The following RLN2 variants were observed in gnomAD, a reference collection of about 807,000 sequenced individuals.
RLN2 encodes the protein relaxin 2, also known as prorelaxin H2.
RLN2 carries 10 observed loss-of-function variants against 7.3 expected under a neutral mutation model. The observed-to-expected ratio is 1.36, with a 90% CI of 0.84 to 2.31. The LOEUF (loss-of-function observed/expected upper bound fraction) is 2.31, where lower values mean the gene tolerates loss of function less well. Ranked by LOEUF, RLN2 falls within the 30% of genes most tolerant of loss-of-function variation. The pLI is 0.00. For synonymous variants in RLN2, 103 were observed against 82.3 expected, an observed-to-expected ratio of 1.25 and a Z score of -1.36; for missense variants, 298 against 217.6, an observed-to-expected ratio of 1.37 and a Z score of -2.32.
In RLN2 at chr9:5,300,265, T is replaced by C; in HGVS notation, c.391A>G (p.Lys131Glu). 6.2e-7 allele frequency: 1 copy of C among 1,614,068 alleles called. No individual in the cohort carries two copies. Among genetic ancestry groups the C allele is most frequent in the Non-Finnish European group, 8.5e-7 (1 of 1,179,952 alleles). Residue 131 changes from lysine (K) to glutamate (E), a missense_variant, in exon 2 of 2, where the codon AAA (lysine) becomes GAA (glutamate). Transcript: ENST00000381627. Reference protein sequence around the residue: ...DSSLLFEEFKKLIRNRQSEAA... With the variant: ...DSSLLFEEFKELIRNRQSEAA... ...TCACTTTGTCTATTGCGAATAAGTTTCTTAAATTCTTCAAAGAGAAGACTG... is the reference window on the plus strand; with the variant it reads ...TCACTTTGTCTATTGCGAATAAGTTCCTTAAATTCTTCAAAGAGAAGACTG...
chr9:5,316,367 C>T, the RLN2 span, among the ~76,000 whole-genome samples: 3 of 151,868 alleles, frequency 2.0e-5, no homozygotes, highest in Non-Finnish European at 2.9e-5. Flanking sequence ...TAGGTATACA[C>T]ATGCCATGGT....
chr9:5,324,246 T>C, the RLN2 span, among the ~76,000 whole-genome samples: 11 of 151,966 alleles, frequency 7.2e-5, no homozygotes, highest in Non-Finnish European at 1.3e-4. Context: ...AAAGAAAATA[T>C]ATAATCACAG....
the RLN2 span, among the ~76,000 whole-genome samples, chr9:5,321,519 C>T: frequency 7.2e-5 from 11 of 151,934 alleles, no homozygotes; most frequent in African/African-American, 1.4e-4. Context: ...AGTGACTGAG[C>T]ACAATTCTGT....
chr9:5,323,373 A>G, the RLN2 span, among the ~76,000 whole-genome samples: 1 of 152,110 alleles, frequency 6.6e-6, no homozygotes, highest in East Asian at 1.9e-4. Flanking sequence ...TCCCTCTCCT[A>G]CAGTAGTTTT....
At chr9:5,328,256 G>A in the RLN2 span, among the ~76,000 whole-genome samples, 10 of 151,986 alleles carry the variant, frequency 6.6e-5, no homozygotes, top group Admixed American at 5.9e-4. Context: ...TGAGAACTTC[G>A]TGACGCATGC....
chr9:5,305,274 C>G (rs1360504662), upstream of RLN2, among the ~76,000 whole-genome samples: 1 of 151,576 alleles, frequency 6.6e-6, no homozygotes, highest in East Asian at 1.9e-4. Context: ...TCCTTCCACT[C>G]TTGGGGATAA....
At chr9:5,308,173 G>T (rs540698370), upstream of RLN2, among the ~76,000 whole-genome samples, 4 of 151,948 alleles carry the variant, frequency 2.6e-5, no homozygotes, top group African/African-American at 9.7e-5. Context: ...TTTCCTTTCA[G>T]GTTATCATGC....
At chr9:5,318,950 T>G in the RLN2 span, among the ~76,000 whole-genome samples, 1 of 152,008 alleles carries the variant, frequency 6.6e-6, no homozygotes, top group African/African-American at 2.4e-5. Flanking sequence ...TGTGCCCTCA[T>G]GGAAATGAAC....
Position 5,304,644 on chromosome 9 carries a change from C to A in RLN2, c.-64G>T. 6.5e-7 allele frequency: 1 copy of A among 1,529,330 alleles called. No homozygotes were observed. Among genetic ancestry groups the A allele is most frequent in the Non-Finnish European group, 9.0e-7 (1 of 1,105,914 alleles). The allele number at this position is 1,529,330 out of a possible 1,614,324, so 94.7% of individuals were successfully genotyped here. A position where few individuals can be genotyped will look rare whatever the true frequency, so the allele number is the denominator to read the frequency against. On this transcript the variant is annotated 5_prime_UTR_variant, in exon 1 of 2. Coordinates refer to ENST00000381627, the MANE Select transcript of RLN2 (RefSeq NM_134441.3). Reference sequence around the variant, plus strand: ...CCTTTCAGGACTGCAGCTGCTGTGGCCTACACACCTGGGCCTGTGTGCCTG... The same window carrying A: ...CCTTTCAGGACTGCAGCTGCTGTGGACTACACACCTGGGCCTGTGTGCCTG...
the RLN2 span, among the ~76,000 whole-genome samples, chr9:5,328,861 C>G: frequency 6.6e-6 from 1 of 151,980 alleles, no homozygotes; most frequent in African/African-American, 2.4e-5. Context: ...GAAATAAAAT[C>G]CTTTACAGAC....
the RLN2 span, among the ~76,000 whole-genome samples, chr9:5,312,105 T>C: frequency 2.8e-3 from 426 of 152,052 alleles, 7 homozygotes; most frequent in African/African-American, 9.8e-3. Context: ...TGAAGCTGGA[T>C]TGATGTGGGG....
Position 5,300,408 on chromosome 9 carries a change from G to A in RLN2, c.248C>T (p.Thr83Ile). ...VPSFINKDTE[T>I]INMMSEFVAN... ...AACAAATTCTGACATCATATTTATGGTTTCTGTATCTTTGTTGATGAAGGA... is the reference window on the plus strand; with the variant it reads ...AACAAATTCTGACATCATATTTATGATTTCTGTATCTTTGTTGATGAAGGA... The change falls in exon 2 of 2, where the codon ACC (threonine) becomes ATC (isoleucine). Residue 83 changes from threonine to isoleucine, a missense_variant. By Grantham distance (89) the Thr-to-Ile change is moderately conservative (BLOSUM62 -1). Coordinates refer to ENST00000381627, the MANE Select transcript of RLN2 (RefSeq NM_134441.3). The A allele has an allele frequency of 6.2e-7, 1 of 1,609,380 alleles. No individual in the cohort carries two copies. The highest frequency in any genetic ancestry group is 8.5e-7 in the Non-Finnish European group (1 of 1,178,574).
the RLN2 span, among the ~76,000 whole-genome samples, chr9:5,325,979 C>G: frequency 6.6e-6 from 1 of 152,082 alleles, no homozygotes; most frequent in Middle Eastern, 3.4e-3. Context: ...AGACACTTGT[C>G]TCATTTCAAG....
At chr9:5,329,468 G>A in the RLN2 span, among the ~76,000 whole-genome samples, 1 of 151,500 alleles carries the variant, frequency 6.6e-6, no homozygotes, top group Non-Finnish European at 1.5e-5. Context: ...TGGCAAACTG[G>A]ATAAAGAGTC....
upstream of RLN2, among the ~76,000 whole-genome samples, chr9:5,308,651 T>A (rs1026961985): frequency 6.6e-6 from 1 of 151,996 alleles, no homozygotes; most frequent in Admixed American, 6.6e-5. Flanking sequence ...CAAGGGTTGA[T>A]CTGTTCTATA....
the RLN2 span, among the ~76,000 whole-genome samples, chr9:5,319,801 T>C: frequency 2.0e-5 from 3 of 152,044 alleles, no homozygotes; most frequent in African/African-American, 7.3e-5. Flanking sequence ...TGCAGAATTA[T>C]GGAGCAGGAC....
the RLN2 span, among the ~76,000 whole-genome samples, chr9:5,330,331 A>C: frequency 6.6e-6 from 1 of 152,020 alleles, no homozygotes; most frequent in Non-Finnish European, 1.5e-5. Flanking sequence ...TTGACACTCT[A>C]ACATCACAAT....
At chr9:5,305,802 A>G (rs750949482), upstream of RLN2, among the ~76,000 whole-genome samples, 7 of 152,050 alleles carry the variant, frequency 4.6e-5, no homozygotes, top group Non-Finnish European at 7.4e-5. Context: ...TATGGAATCA[A>G]ATAATTCTAA....
chr9:5,337,836 T>A, the RLN2 span, among the ~76,000 whole-genome samples: 1 of 152,108 alleles, frequency 6.6e-6, no homozygotes, highest in South Asian at 2.1e-4. Flanking sequence ...TAGCTAAATA[T>A]CTATATACAA....
Sources: allele counts gnomAD v4.1 joint callset (sites outside exome capture counted in the v4.1 genomes callset), GRCh38; gene constraint gnomAD v4.1.1; transcripts MANE v1.5; gene names NCBI Gene and HGNC (gene_info 2026-07-23, HGNC 2026-07-21).